UCP2: variants seen among roughly 807,000 people sequenced by gnomAD.
UCP2 encodes dicarboxylate carrier SLC25A8.
A neutral mutation model predicts 31.3 loss-of-function variants in UCP2; 27 were observed. That is an observed-to-expected ratio of 0.86 (90% CI 0.64 to 1.19). The LOEUF (loss-of-function observed/expected upper bound fraction) is 1.19. UCP2 is among the 50% of genes most tolerant of loss of function. UCP2 has a pLI of 0.00. For missense variants in UCP2, 377 were observed against 413.5 expected, an observed-to-expected ratio of 0.91 and a Z score of 0.76; for synonymous variants, 142 against 157.4, an observed-to-expected ratio of 0.90 and a Z score of 0.73.
In UCP2 at chr11:73,977,827, A is replaced by G. The variant is rs114180594; in HGVS notation, c.337+59T>C. 2.6e-5 allele frequency: 42 copies of G among 1,608,196 alleles called. No homozygotes were observed. In the African/African-American group the frequency reaches 4.9e-4, roughly 19 times the overall value. On this transcript the variant is annotated intron_variant, in intron 4 of 7. Transcript: ENST00000663595. ...AAAAACTATATGGCTGAATGAACTA[A>G]GATCAATCATCACTGAGAAAAAAGG...
chr11:73,978,465 A>G lies in UCP2; in HGVS notation c.-87T>C, dbSNP rs1007686425. 7 of 1,577,382 alleles carry G rather than the reference A, an allele frequency of 4.4e-6. No individual in the cohort carries two copies. The African/African-American group carries it at 8.1e-5, about 18-fold the overall frequency. Reference sequence around the variant, plus strand: ...ATCAGCAACAAGACGAGATAGAGGAACTCTGCCGGAATCTAAGCCAAGAGG... The same window carrying G: ...ATCAGCAACAAGACGAGATAGAGGAGCTCTGCCGGAATCTAAGCCAAGAGG... On this transcript the variant is annotated 5_prime_UTR_variant, in exon 3 of 8. Coordinates refer to ENST00000663595, the MANE Select transcript of UCP2 (RefSeq NM_003355.3).
At chr11:73,980,161 G>C (rs1200264036) in intron 2 of UCP2, 1 of 152,162 alleles carries the variant, frequency 6.6e-6, no homozygotes, top group Non-Finnish European at 1.5e-5. Context: ...AGTGGGGGAG[G>C]GTGACCTGCT....
At position 73,977,771 on chromosome 11, in the gene UCP2, C is replaced by A. The variant is rs552105313; in HGVS notation, c.337+115G>T. ...CCAGGGCCCCTTCCAGTTCTCTGTTCCCCTGATCTTCCTAGGGATCGTGGG... is the reference window on the plus strand; with the variant it reads ...CCAGGGCCCCTTCCAGTTCTCTGTTACCCTGATCTTCCTAGGGATCGTGGG... On this transcript the variant is annotated intron_variant, in intron 4 of 7. Transcript: ENST00000663595. 3.6e-6 allele frequency: 5 copies of A among 1,396,942 alleles called. No homozygotes were observed. The Admixed American group carries it at 7.8e-5, about 22-fold the overall frequency. The allele number at this position is 1,396,942 out of a possible 1,614,324, so 86.5% of individuals were successfully genotyped here. A position where few individuals can be genotyped will look rare whatever the true frequency, so the allele number is the denominator to read the frequency against.
intron 4 of UCP2, among the ~76,000 whole-genome samples, chr11:73,977,644 G>A (rs1478835381): frequency 6.6e-6 from 1 of 151,988 alleles, no homozygotes; most frequent in Non-Finnish European, 1.5e-5. Flanking sequence ...TATAACACTG[G>A]GATGATACTA....
At chr11:73,977,563 T>C (rs1951374201) in intron 4 of UCP2, among the ~76,000 whole-genome samples, 1 of 152,208 alleles carries the variant, frequency 6.6e-6, no homozygotes. Context: ...GTGTGTTTTC[T>C]GGCTCTCTAC....
At chr11:73,981,244 C>T (rs1951450486) in intron 2 of UCP2, 1 of 152,136 alleles carries the variant, frequency 6.6e-6, no homozygotes, top group Non-Finnish European at 1.5e-5. Context: ...TACACGTGGG[C>T]CTCAGTTTTC....
At position 73,974,837 on chromosome 11, in the gene UCP2, G is replaced by T; in HGVS notation, c.*170C>A. 1 of 695,106 alleles carries T rather than the reference G, an allele frequency of 1.4e-6. No homozygotes were observed. The highest frequency in any genetic ancestry group is 2.6e-6 in the Non-Finnish European group (1 of 383,514). 43.1% of individuals were successfully genotyped at this position (695,106 alleles called of 1,614,324 possible). Reference sequence around the variant, plus strand: ...AACTCCACCAGCACTGAGACAATGAGTAGATGAGAATGTAGAAAGAGGGAA... The same window carrying T: ...AACTCCACCAGCACTGAGACAATGATTAGATGAGAATGTAGAAAGAGGGAA... On this transcript the variant is annotated 3_prime_UTR_variant, in exon 8 of 8. Coordinates refer to ENST00000663595, the MANE Select transcript of UCP2 (RefSeq NM_003355.3).
In UCP2 at chr11:73,974,848, T is replaced by C; in HGVS notation, c.*159A>G. The C allele has an allele frequency of 1.4e-6, 1 of 716,762 alleles. No individual in the cohort carries two copies. The highest frequency in any genetic ancestry group is 2.5e-6 in the Non-Finnish European group (1 of 398,554). 44.4% of individuals were successfully genotyped at this position (716,762 alleles called of 1,614,324 possible). A position where few individuals can be genotyped will look rare whatever the true frequency, so the allele number is the denominator to read the frequency against. ...CACTGAGACAATGAGTAGATGAGAA[T>C]GTAGAAAGAGGGAAGGTGGTAGGTA... is the stretch of plus-strand genomic sequence containing the variant. On this transcript the variant is annotated 3_prime_UTR_variant, in exon 8 of 8. Coordinates refer to ENST00000663595, the MANE Select transcript of UCP2 (RefSeq NM_003355.3).
At chr11:73,977,461 C>T (rs1187786685) in intron 4 of UCP2, among the ~76,000 whole-genome samples, 2 of 152,098 alleles carry the variant, frequency 1.3e-5, no homozygotes, top group African/African-American at 4.8e-5. Context: ...GGCTCTGTTT[C>T]GTCATGTGTA....
chr11:73,978,162 G>A lies in UCP2; in HGVS notation c.127-66C>T, dbSNP rs193211127. On this transcript the variant is annotated intron_variant, in intron 3 of 7. Coordinates refer to ENST00000663595, the MANE Select transcript of UCP2 (RefSeq NM_003355.3). ...TGCCCTTCCCACCTCCAGTCATCTC[G>A]ATGCTCCAAACACTGGCCCTTGAGG... The A allele has an allele frequency of 1.1e-5, 17 of 1,613,768 alleles. No individual in the cohort carries two copies. In the East Asian group the frequency reaches 2.2e-4, roughly 21 times the overall value.
intron 3 of UCP2, 67 bp downstream of exon 3, chr11:73,978,186 G>T (rs1297807816): frequency 6.2e-7 from 1 of 1,613,814 alleles, no homozygotes; most frequent in Non-Finnish European, 8.5e-7. Flanking sequence ...TGGCCCTTGA[G>T]GGGTCTGTGT....
In UCP2 at chr11:73,975,493, T is replaced by C; in HGVS notation, c.813A>G (p.Lys271=). 1 of 1,609,138 alleles carries C rather than the reference T, an allele frequency of 6.2e-7. No homozygotes were observed. Among genetic ancestry groups the C allele is most frequent in the South Asian group, 1.1e-5 (1 of 90,856 alleles). ...GGTGGGGAGGACCAGAGGCTCACCC[T>C]TTGTAGAAGGCTCGGGGCCCCTCCT... ...LQKEGPRAFY[K]GFMPSFLRLG... is the part of the protein sequence containing the mutation. The change falls in exon 7 of 8, where the codon AAA becomes AAG. Residue 271 remains lysine, a splice_region_variant and synonymous_variant. Transcript: ENST00000663595.
intron 2 of UCP2, among the ~76,000 whole-genome samples, chr11:73,980,399 T>C (rs1951431757): frequency 6.6e-6 from 1 of 152,200 alleles, no homozygotes; most frequent in African/African-American, 2.4e-5. Context: ...GCAACTACAC[T>C]GGGACCTATA....
chr11:73,975,809 C>CTTTTGGAGG, intron 6 of UCP2, 138 bp from the exon 7 acceptor site: 1 of 1,075,304 alleles, frequency 9.3e-7, no homozygotes, highest in Non-Finnish European at 1.3e-6. Context: ...TGCCTGTAAT[C>CTTTTGGAGG]CAGGACTTCT....
chr11:73,976,574 A>G, intron 6 of UCP2, 67 bp downstream of exon 6: 3 of 1,259,888 alleles, frequency 2.4e-6, no homozygotes, highest in Non-Finnish European at 3.5e-6. Flanking sequence ...GGTGTCAGCT[A>G]GACCCCCGCA....
chr11:73,975,713 A>G lies in UCP2; in HGVS notation c.635-42T>C, dbSNP rs143838528. 4.5e-5 allele frequency: 72 copies of G among 1,610,676 alleles called. 2 individuals are homozygous for G. In the East Asian group the frequency reaches 1.6e-3, roughly 36 times the overall value. ...GGCAAGGCAGTCAAGATCTTCACCC[A>G]TCATTCCAGAAGGCAGGAGAATTAC... On this transcript the variant is annotated intron_variant, in intron 6 of 7. Transcript: ENST00000663595.
Position 73,976,667 on chromosome 11 carries a change from GCAT to G in UCP2, c.605_607del (p.Asp202del), listed in dbSNP as rs1307190297. ...TGTCATGAGGTTGGCTTTCAGGAGG[GCAT>G]CCTTGATGAGGTCATAGGTCACCAG... On this transcript the variant is annotated inframe_deletion, in exon 6 of 8. Transcript: ENST00000663595. The G allele has an allele frequency of 6.2e-7, 1 of 1,614,108 alleles. No individual in the cohort carries two copies. Among genetic ancestry groups the G allele is most frequent in the Admixed American group, 1.7e-5 (1 of 60,014 alleles).
At chr11:73,976,584 A>G in intron 6 of UCP2, 57 bp downstream of exon 6, 1 of 1,403,192 alleles carries the variant, frequency 7.1e-7, no homozygotes, top group South Asian at 1.2e-5. Flanking sequence ...AGACCCCCGC[A>G]CCTGCTCCTG....
At position 73,978,357 on chromosome 11, in the gene UCP2, C is replaced by G. The variant is rs764113779; in HGVS notation, c.22G>C (p.Asp8His). MVGFKATDVPPTATVKFL... is the reference protein window; with the variant it reads MVGFKATHVPPTATVKFL... ...TTCACAGTGGCAGTAGGGGGCACAT[C>G]TGTGGCCTTGAACCCAACCATGATG... The change falls in exon 3 of 8, where the codon GAT (aspartate) becomes CAT (histidine). Residue 8 changes from aspartate (D) to histidine (H), a missense_variant. Coordinates refer to ENST00000663595, the MANE Select transcript of UCP2 (RefSeq NM_003355.3). 2 of 1,614,214 alleles carry G rather than the reference C, an allele frequency of 1.2e-6. No homozygotes were observed. Among genetic ancestry groups the G allele is most frequent in the Non-Finnish European group, 1.7e-6 (2 of 1,180,026 alleles).
Sources: gnomAD v4.1 joint callset for allele counts (sites outside exome capture counted in the v4.1 genomes callset) on GRCh38, gnomAD v4.1.1 for gene constraint, MANE v1.5 for transcripts, NCBI Gene and HGNC (gene_info 2026-07-23, HGNC 2026-07-21) for gene names.